Variants in NOL9 observed in about 807,000 individuals in gnomAD.
NOL9 encodes nucleolar protein 9.
Under a neutral mutation model 67.9 loss-of-function variants are expected in NOL9, and 28 were observed. That is an observed-to-expected ratio of 0.41 (90% CI 0.31 to 0.57). The LOEUF is 0.57. Ranked by LOEUF, NOL9 falls within the 20% of genes least tolerant of loss-of-function variation. The pLI is 0.25. For missense variants in NOL9, 777 were observed against 897.0 expected (o/e 0.87, Z 1.71); for synonymous variants, 356 against 352.2 (o/e 1.01, Z -0.12).
chr1:6,526,017 A>T lies in NOL9; in HGVS notation c.1960-14T>A. The stretch of plus-strand genomic sequence containing the variant: ...TTCGATCCCACGCTGAAACGGAAAC[A>T]CAGAGAATGCATGGAAACACTCCAG... On this transcript the variant is annotated splice_polypyrimidine_tract_variant and intron_variant, in intron 11 of 11. Transcript: ENST00000377705. The T allele has an allele frequency of 6.2e-7, 1 of 1,612,288 alleles. No individual in the cohort carries two copies. The highest frequency in any genetic ancestry group is 1.1e-5 in the South Asian group (1 of 91,032).
intron 1 of NOL9, among the ~76,000 whole-genome samples, chr1:6,552,829 C>T (rs183085974): frequency 2.0e-5 from 3 of 151,740 alleles, no homozygotes; most frequent in East Asian, 2.0e-4. Context: ...TCCTTTCTTT[C>T]GAGACGGAGT....
At chr1:6,553,867 AAAACAAAAT>A (rs1639600536) in intron 1 of NOL9, among the ~76,000 whole-genome samples, 1 of 150,930 alleles carries the variant, frequency 6.6e-6, no homozygotes, top group Admixed American at 6.6e-5. Context: ...GAAAGAAAAC[AAAACAAAAT>A]AAAGTCCCTT....
At chr1:6,537,266 A>T (rs1435230020) in intron 6 of NOL9, among the ~76,000 whole-genome samples, 2 of 152,130 alleles carry the variant, frequency 1.3e-5, no homozygotes, top group African/African-American at 4.8e-5. Flanking sequence ...TAAAGACTTA[A>T]GTATTAAGAC....
At chr1:6,528,712 C>T (rs1237860614) in intron 10 of NOL9, among the ~76,000 whole-genome samples, 1 of 152,210 alleles carries the variant, frequency 6.6e-6, no homozygotes, top group Non-Finnish European at 1.5e-5. Flanking sequence ...GATTTAGAAC[C>T]CAGCAGTGAC....
In NOL9 at chr1:6,524,632, A is replaced by G. The variant is rs1216243377; in HGVS notation, c.*1222T>C. On this transcript the variant is annotated 3_prime_UTR_variant, in exon 12 of 12. Coordinates refer to ENST00000377705, the MANE Select transcript of NOL9 (RefSeq NM_024654.5). ...TGGTCTGCCAGTCCTTCTTCCTTCA[A>G]AACAGCCCAGTCTCCAGCTCTGCCC... is the stretch of plus-strand genomic sequence containing the variant. 1.3e-5 allele frequency: 2 copies of G among 152,192 alleles called. No homozygotes were observed. Among genetic ancestry groups the G allele is most frequent in the African/African-American group, 4.8e-5 (2 of 41,448 alleles). The allele number at this position is 152,192 out of a possible 1,614,324, so 9.4% of individuals were successfully genotyped here. A position where few individuals can be genotyped will look rare whatever the true frequency, so the allele number is the denominator to read the frequency against.
chr1:6,543,342 C>T (rs1013123164), intron 5 of NOL9, among the ~76,000 whole-genome samples: 24 of 152,150 alleles, frequency 1.6e-4, no homozygotes, highest in African/African-American at 4.3e-4. Flanking sequence ...ACTACAGGTG[C>T]CTGCCACCAC....
Position 6,550,577 on chromosome 1 carries a change from G to C in NOL9, c.435C>G (p.Leu145=), listed in dbSNP as rs761783156. The C allele has an allele frequency of 6.2e-7, 1 of 1,613,684 alleles. No individual in the cohort carries two copies. Among genetic ancestry groups the C allele is most frequent in the South Asian group, 1.1e-5 (1 of 91,068 alleles). Residue 145 remains leucine (L), a synonymous_variant, in exon 2 of 12, where the codon CTC becomes CTG. Coordinates refer to ENST00000377705, the MANE Select transcript of NOL9 (RefSeq NM_024654.5). ...AACCAAATACCTGCACCTGGCCATA[G>C]AGGCAAGTCACACGACAGATCCCAC... The part of the protein sequence containing the change: ...TFSGICRVTC[L]YGQVQVFGFT...
At chr1:6,533,123 C>T (rs1557784801) in intron 7 of NOL9, among the ~76,000 whole-genome samples, 157 bp downstream of exon 7, 1 of 152,142 alleles carries the variant, frequency 6.6e-6, no homozygotes, top group Admixed American at 6.5e-5. Context: ...TGCAGTGAGC[C>T]GAGATCACGC....
intron 3 of NOL9, 186 bp downstream of exon 3, chr1:6,549,385 G>A: frequency 5.2e-6 from 3 of 571,824 alleles, no homozygotes; most frequent in Non-Finnish European, 8.5e-6. Context: ...AACTAAGGAG[G>A]GGAGGATGAA....
Position 6,524,040 on chromosome 1 carries a change from TACAAGGCCA to T in NOL9, c.*1805_*1813del, listed in dbSNP as rs1638826489. 1 of 152,204 alleles carries T rather than the reference TACAAGGCCA, an allele frequency of 6.6e-6. No homozygotes were observed. Among genetic ancestry groups the T allele is most frequent in the South Asian group, 2.1e-4 (1 of 4,830 alleles). 9.4% of individuals were successfully genotyped at this position (152,204 alleles called of 1,614,324 possible). ...GGTGATGGATTGTCTTAAAATTCTTTACAAGGCCAGCACAGTAAAACATCATATGAATGA... is the reference window on the plus strand; with the variant it reads ...GGTGATGGATTGTCTTAAAATTCTTTGCACAGTAAAACATCATATGAATGA... On this transcript the variant is annotated 3_prime_UTR_variant, in exon 12 of 12. Coordinates refer to ENST00000377705, the MANE Select transcript of NOL9 (RefSeq NM_024654.5).
chr1:6,528,468 C>G (rs887405650), intron 10 of NOL9, among the ~76,000 whole-genome samples: 1 of 152,098 alleles, frequency 6.6e-6, no homozygotes, highest in African/African-American at 2.4e-5. Flanking sequence ...CAAATGAAGG[C>G]TAGGGGATGC....
chr1:6,540,208 C>T (rs1206646221), intron 6 of NOL9, among the ~76,000 whole-genome samples: 1 of 140,420 alleles, frequency 7.1e-6, no homozygotes, highest in African/African-American at 2.6e-5. Flanking sequence ...CTGCAAGCTC[C>T]GCCTCCTGGG....
chr1:6,535,503 C>T (rs946820902), intron 6 of NOL9, among the ~76,000 whole-genome samples: 3 of 152,220 alleles, frequency 2.0e-5, no homozygotes, highest in Non-Finnish European at 4.4e-5. Flanking sequence ...GTAAGAGGAG[C>T]TCAGTAGACA....
chr1:6,536,143 G>T (rs1248944034), intron 6 of NOL9, among the ~76,000 whole-genome samples: 3 of 151,402 alleles, frequency 2.0e-5, no homozygotes, highest in African/African-American at 4.9e-5. Flanking sequence ...TCAGGAGATC[G>T]AGACCATCCT....
chr1:6,527,340 T>C (rs1638911139), intron 10 of NOL9, among the ~76,000 whole-genome samples: 1 of 151,462 alleles, frequency 6.6e-6, no homozygotes, highest in South Asian at 2.1e-4. Flanking sequence ...GGAACAAAAA[T>C]GGTCTACATG....
At chr1:6,531,512 T>G (rs765327627) in intron 9 of NOL9, among the ~76,000 whole-genome samples, 3 of 151,992 alleles carry the variant, frequency 2.0e-5, no homozygotes, top group Non-Finnish European at 4.4e-5. Context: ...CACGCCCGGC[T>G]AATGTGAAGT....
chr1:6,541,133 G>A (rs758464862), intron 6 of NOL9, among the ~76,000 whole-genome samples: 5 of 150,774 alleles, frequency 3.3e-5, no homozygotes, highest in Non-Finnish European at 5.9e-5. Context: ...CTCCTGCCTC[G>A]GCGTCCCAAG....
intron 1 of NOL9, among the ~76,000 whole-genome samples, chr1:6,551,236 C>T (rs1416368651): frequency 1.3e-5 from 2 of 152,068 alleles, no homozygotes; most frequent in East Asian, 1.9e-4. Context: ...GCTTGAGTCT[C>T]GGAGGTAGAG....
chr1:6,532,961 G>A (rs1639066476), intron 7 of NOL9, among the ~76,000 whole-genome samples: 1 of 152,220 alleles, frequency 6.6e-6, no homozygotes, highest in South Asian at 2.1e-4. Flanking sequence ...GATCACTTGA[G>A]GCCAGAAGTT....
Sources: gnomAD v4.1 joint callset for allele counts (sites outside exome capture counted in the v4.1 genomes callset) on GRCh38, gnomAD v4.1.1 for gene constraint, MANE v1.5 for transcripts, NCBI Gene and HGNC (gene_info 2026-07-23, HGNC 2026-07-21) for gene names.